SLC22A5: variants seen among roughly 807,000 people sequenced by gnomAD.
SLC22A5 encodes organic cation/carnitine transporter 2.
In SLC22A5, 44 loss-of-function variants were observed where a neutral mutation model predicts 56.7. That is an observed-to-expected ratio of 0.78 (90% CI 0.61 to 1.00). SLC22A5 has a LOEUF of 1.00. Ranked by LOEUF, SLC22A5 falls within the 50% of genes least tolerant of loss-of-function variation. The probability of loss-of-function intolerance (pLI) is 0.00; values close to 1 mark genes in which losing one functional copy is unlikely to be tolerated. For missense variants in SLC22A5, 675 were observed against 723.0 expected (o/e 0.93, Z 0.76); for synonymous variants, 278 against 292.1 (o/e 0.95, Z 0.49).
chr5:132,381,650 A>G lies in SLC22A5; in HGVS notation c.498-2497A>G, dbSNP rs932986577. 2.6e-5 allele frequency: 4 copies of G among 152,220 alleles called. No homozygotes were observed. In the East Asian group the frequency reaches 7.7e-4, roughly 29 times the overall value. 9.4% of individuals were successfully genotyped at this position (152,220 alleles called of 1,614,324 possible). Reference sequence around the variant, plus strand: ...TCTGAAATTCAAGAGCAATTAAAGTACTCCTGGGTTGTCAAAGCCCTTTAT... The same window carrying G: ...TCTGAAATTCAAGAGCAATTAAAGTGCTCCTGGGTTGTCAAAGCCCTTTAT... On this transcript the variant is annotated intron_variant, in intron 2 of 9. Transcript: ENST00000245407.
chr5:132,393,786 A>G lies in SLC22A5; in HGVS notation c.1561A>G (p.Ile521Val). 1 of 1,614,138 alleles carries G rather than the reference A, an allele frequency of 6.2e-7. No individual in the cohort carries two copies. The highest frequency in any genetic ancestry group is 8.5e-7 in the Non-Finnish European group (1 of 1,180,000). Residue 521 changes from isoleucine (I) to valine (V), a missense_variant, in exon 9 of 10, where the codon ATT becomes GTT. Ile to Val is a conservative substitution (Grantham distance 29). Coordinates refer to ENST00000245407, the MANE Select transcript of SLC22A5 (RefSeq NM_003060.4). ...ESFGTPLPDT[I>V]DQMLRVKGMK... Reference sequence around the variant, plus strand: ...CTTCGGTACCCCACTCCCAGACACCATTGACCAGATGCTAAGAGTCAAAGG... The same window carrying G: ...CTTCGGTACCCCACTCCCAGACACCGTTGACCAGATGCTAAGAGTCAAAGG...
Position 132,369,832 on chromosome 5 carries a change from T to C in SLC22A5, c.-141T>C, listed in dbSNP as rs1263061852. The C allele has an allele frequency of 2.7e-6, 3 of 1,103,134 alleles. No individual in the cohort carries two copies. The highest frequency in any genetic ancestry group is 2.7e-5 in the East Asian group (1 of 36,782). 68.3% of individuals were successfully genotyped at this position (1,103,134 alleles called of 1,614,324 possible). On this transcript the variant is annotated 5_prime_UTR_variant, in exon 1 of 10. Transcript: ENST00000245407. ...GCAGGACCAAGGCGGCGGTGTCAGC[T>C]CGCGAGCCTACCCTCCGCGGACGGT...
intron 6 of SLC22A5, chr5:132,390,389 T>G: frequency 2.3e-6 from 1 of 436,592 alleles, no homozygotes; most frequent in Non-Finnish European, 4.2e-6. Flanking sequence ...AAAGGCAGGT[T>G]GGAATTTTTC....
chr5:132,370,403 C>T, intron 1 of SLC22A5, 38 bp downstream of exon 1: 4 of 1,605,328 alleles, frequency 2.5e-6, no homozygotes, highest in Middle Eastern at 1.7e-4. Flanking sequence ...GACCAGGGCT[C>T]GGAGGACCTG....
At chr5:132,378,060 C>A in intron 1 of SLC22A5, 1 of 1,516,838 alleles carries the variant, frequency 6.6e-7, no homozygotes, top group East Asian at 2.5e-5. Context: ...CCCTGGGCTC[C>A]GCTCAGATTT....
intron 7 of SLC22A5, among the ~76,000 whole-genome samples, chr5:132,391,743 T>C (rs1361396716): frequency 6.6e-6 from 1 of 152,188 alleles, no homozygotes; most frequent in African/African-American, 2.4e-5. Context: ...GAACAGTTCA[T>C]GGGCCCTCAT....
At chr5:132,386,333 T>C (rs1395836199) in intron 4 of SLC22A5, among the ~76,000 whole-genome samples, 1 of 152,054 alleles carries the variant, frequency 6.6e-6, no homozygotes, top group Non-Finnish European at 1.5e-5. Flanking sequence ...GTTCAAGCGA[T>C]TCTCATGTCT....
At chr5:132,374,123 G>C (rs1312925105) in intron 1 of SLC22A5, among the ~76,000 whole-genome samples, 1 of 152,124 alleles carries the variant, frequency 6.6e-6, no homozygotes, top group Admixed American at 6.5e-5. Flanking sequence ...GGGAGGCTGA[G>C]GCAGGAGAAT....
chr5:132,393,579 G>T, intron 8 of SLC22A5, 97 bp from the exon 9 acceptor site: 2 of 1,394,070 alleles, frequency 1.4e-6, no homozygotes, highest in South Asian at 2.3e-5. Context: ...AAGAAGGAAA[G>T]TGATCCCCTT....
In SLC22A5 at chr5:132,387,164, T is replaced by G. The variant is rs1348881586; in HGVS notation, c.951+13T>G. Reference sequence around the variant, plus strand: ...TGACCCGAGTGAGGTAAGCACCATGTGGGTGTGGGTGAGAGGGACAGACTG... The same window carrying G: ...TGACCCGAGTGAGGTAAGCACCATGGGGGTGTGGGTGAGAGGGACAGACTG... On this transcript the variant is annotated intron_variant, in intron 5 of 9. Coordinates refer to ENST00000245407, the MANE Select transcript of SLC22A5 (RefSeq NM_003060.4). 6 of 1,614,102 alleles carry G rather than the reference T, an allele frequency of 3.7e-6. No homozygotes were observed. The African/African-American group carries it at 6.7e-5, about 18-fold the overall frequency.
chr5:132,380,397 G>A (rs1277416049), intron 2 of SLC22A5: 2 of 151,904 alleles, frequency 1.3e-5, no homozygotes, highest in Admixed American at 6.5e-5. Context: ...GTGGGCTACT[G>A]AGATTTTTTA....
chr5:132,389,680 G>GGC (rs1164128894), intron 6 of SLC22A5: 2 of 157,908 alleles, frequency 1.3e-5, no homozygotes, highest in Non-Finnish European at 2.8e-5. Context: ...GGGCGAGGAG[G>GGC]GCGGACTTCA....
rs1752801992 is a variant in SLC22A5 at position 132,394,192 on chromosome 5, C to T, written c.1594C>T (p.His532Tyr). ...DQMLRVKGMKHRKTPSHTRML... is the reference protein window; with the variant it reads ...DQMLRVKGMKYRKTPSHTRML... ...TTTTGCTTGTTTTTATAGAATGAAA[C>T]ACAGAAAAACTCCAAGTCACACAAG... Residue 532 changes from histidine to tyrosine, a missense_variant, in exon 10 of 10, where the codon CAC becomes TAC. Physicochemically the swap from His to Tyr is moderately conservative, Grantham distance 83 (BLOSUM62 2). Transcript: ENST00000245407. 3.1e-6 allele frequency: 5 copies of T among 1,611,042 alleles called. No individual in the cohort carries two copies. In the South Asian group the frequency reaches 3.3e-5, roughly 11 times the overall value.
intron 1 of SLC22A5, chr5:132,376,133 C>T (rs1441459830): frequency 6.6e-6 from 1 of 152,274 alleles, no homozygotes; most frequent in African/African-American, 2.4e-5. Context: ...TGGTGGTTGA[C>T]AGATATGTGG....
chr5:132,372,481 A>G (rs1284716325), intron 1 of SLC22A5, among the ~76,000 whole-genome samples: 1 of 152,204 alleles, frequency 6.6e-6, no homozygotes, highest in South Asian at 2.1e-4. Context: ...TGCTGCCTCC[A>G]TCCCACATTG....
At position 132,370,083 on chromosome 5, in the gene SLC22A5, G is replaced by A. The variant is rs762780354; in HGVS notation, c.111G>A (p.Leu37=). 6.2e-7 allele frequency: 1 copy of A among 1,612,774 alleles called. No homozygotes were observed. The highest frequency in any genetic ancestry group is 1.3e-5 in the African/African-American group (1 of 74,928). ...ASIIPNGFTG[L]SSVFLIATPE... is the part of the protein sequence containing the mutation. ...TCATCCCCAATGGCTTCACCGGCCT[G>A]TCCTCCGTGTTCCTGATAGCGACCC... Residue 37 remains leucine (L), a synonymous_variant, in exon 1 of 10, where the codon CTG becomes CTA. Transcript: ENST00000245407.
chr5:132,372,003 T>C (rs1751953504), intron 1 of SLC22A5, among the ~76,000 whole-genome samples: 1 of 152,172 alleles, frequency 6.6e-6, no homozygotes, highest in Non-Finnish European at 1.5e-5. Context: ...TTTTTCTTTT[T>C]GGAAATTTGA....
chr5:132,385,310 CT>C lies in SLC22A5; in HGVS notation c.653-17del. ...ACCCAAATTAAACTGCTAACTCGAC[CT>C]CCCTTGTTTTGAACAGGGACAGAAA... is the stretch of plus-strand genomic sequence containing the variant. On this transcript the variant is annotated splice_polypyrimidine_tract_variant and intron_variant, in intron 3 of 9. Transcript: ENST00000245407. 1.2e-6 allele frequency: 2 copies of C among 1,611,616 alleles called. No individual in the cohort carries two copies. Among genetic ancestry groups the C allele is most frequent in the South Asian group, 1.1e-5 (1 of 90,996 alleles).
At chr5:132,379,371 C>T (rs180681450) in intron 2 of SLC22A5, 266 of 152,358 alleles carry the variant, frequency 1.7e-3, no homozygotes, top group Middle Eastern at 0.01. Flanking sequence ...GAAAGGAGTC[C>T]CAGCATCTTC....
Sources: gnomAD v4.1 joint callset for allele counts (sites outside exome capture counted in the v4.1 genomes callset) on GRCh38, gnomAD v4.1.1 for gene constraint, MANE v1.5 for transcripts, NCBI Gene and HGNC (gene_info 2026-07-23, HGNC 2026-07-21) for gene names.